The following LZTFL1 variants were observed in gnomAD, a reference collection of about 807,000 sequenced individuals.
The protein encoded by LZTFL1 is leucine zipper transcription factor-like protein 1.
In LZTFL1, 25 loss-of-function variants were observed where a neutral mutation model predicts 45.9. That is an observed-to-expected ratio of 0.54 (90% CI 0.40 to 0.76). The LOEUF (loss-of-function observed/expected upper bound fraction) is 0.76. Ranked by LOEUF, LZTFL1 falls within the 30% of genes least tolerant of loss-of-function variation. The pLI is 0.00. For synonymous variants in LZTFL1, 93 were observed against 117.4 expected, an observed-to-expected ratio of 0.79 and a Z score of 1.35; for missense variants, 277 against 331.1, an observed-to-expected ratio of 0.84 and a Z score of 1.27.
chr3:45,883,758 G>T, intron 2 of LZTFL1: 1 of 555,968 alleles, frequency 1.8e-6, no homozygotes, highest in Non-Finnish European at 3.3e-6. Flanking sequence ...TTTCTGCAAT[G>T]CATCCCCATG....
chr3:45,847,740 A>G (rs914631167), intron 4 of LZTFL1, among the ~76,000 whole-genome samples: 8 of 152,200 alleles, frequency 5.3e-5, no homozygotes, highest in African/African-American at 1.7e-4. Context: ...CTTTATAGAC[A>G]AGAGCAGACC....
intron 2 of LZTFL1, among the ~76,000 whole-genome samples, chr3:45,873,332 T>C (rs957605771): frequency 6.6e-6 from 1 of 152,268 alleles, no homozygotes; most frequent in Non-Finnish European, 1.5e-5. Context: ...ATAATTCTTT[T>C]AGCTGTGTGT....
chr3:45,862,348 G>A (rs760894523), intron 2 of LZTFL1, among the ~76,000 whole-genome samples: 30 of 152,212 alleles, frequency 2.0e-4, no homozygotes, highest in Non-Finnish European at 4.1e-4. Context: ...GGCCATGCAC[G>A]AGGTGAGGAT....
chr3:45,884,996 C>A, intron 2 of LZTFL1, among the ~76,000 whole-genome samples: 1 of 107,236 alleles, frequency 9.3e-6, no homozygotes, highest in East Asian at 2.3e-4. Flanking sequence ...CTCGCACCGC[C>A]GTTCCTTAAG....
chr3:45,853,973 A>T (rs1329084444), intron 4 of LZTFL1, among the ~76,000 whole-genome samples: 1 of 152,086 alleles, frequency 6.6e-6, no homozygotes, highest in Non-Finnish European at 1.5e-5. Flanking sequence ...ACTGAAACAG[A>T]CTTCTCAAAA....
intron 2 of LZTFL1, among the ~76,000 whole-genome samples, chr3:45,883,110 G>C (rs939534522): frequency 2.6e-5 from 4 of 152,140 alleles, no homozygotes; most frequent in African/African-American, 9.7e-5. Context: ...TGAGATATCA[G>C]CATTTCCTAA....
intron 4 of LZTFL1, among the ~76,000 whole-genome samples, chr3:45,850,018 A>T (rs931233402): frequency 1.3e-5 from 2 of 152,196 alleles, no homozygotes; most frequent in African/African-American, 2.4e-5. Context: ...TGTCCACATA[A>T]GAAGGTTCTA....
Position 45,890,291 on chromosome 3 carries a change from A to AC in LZTFL1, c.-215+22828_-215+22829insG, listed in dbSNP as rs1575293702. The stretch of plus-strand genomic sequence containing the variant: ...TATAACATATATATATATTTATATA[A>AC]ATATATATATAACATATATATATAT... On this transcript the variant is annotated intron_variant, in intron 2 of 4. Transcript: ENST00000472635. Among the ~76,000 whole-genome samples, 6 of 116,740 alleles carry AC rather than the reference A, an allele frequency of 5.1e-5. 2 individuals carry two copies. Among genetic ancestry groups the AC allele is most frequent in the African/African-American group, 1.8e-4 (5 of 27,638 alleles). The allele number at this position is 116,740 out of a possible 152,430, so 76.6% of individuals were successfully genotyped here. A position where few individuals can be genotyped will look rare whatever the true frequency, so the allele number is the denominator to read the frequency against.
At position 45,826,392 on chromosome 3, in the gene LZTFL1, T is replaced by C. The variant is rs1374450567; in HGVS notation, c.882-60A>G. 5.1e-6 allele frequency: 7 copies of C among 1,369,426 alleles called. No individual in the cohort carries two copies. The African/African-American group carries it at 5.7e-5, about 11-fold the overall frequency. 84.8% of individuals were successfully genotyped at this position (1,369,426 alleles called of 1,614,324 possible). On this transcript the variant is annotated intron_variant, in intron 9 of 9. Transcript: ENST00000296135. ...ACCTTTTGTTGTTGTTATTACCAAA[T>C]AAGTTTACTTGAAGCAGTGGCACTA... is the stretch of plus-strand genomic sequence containing the variant.
rs987389146 is a variant in LZTFL1, at chr3:45,862,793, C to T, written c.-214-3777G>A. The stretch of plus-strand genomic sequence containing the variant: ...TTGCTGACAACCAGTACTGAGAACT[C>T]TCATGGCTTGCAGCCTTCCCTCAGG... On this transcript the variant is annotated intron_variant, in intron 2 of 4. Transcript: ENST00000472635. 2.6e-5 allele frequency among the ~76,000 whole-genome samples: 4 copies of T among 152,236 alleles called. No homozygotes were observed. The South Asian group carries it at 8.3e-4, about 32-fold the overall frequency.
At chr3:45,894,784 G>A (rs1450229529) in intron 2 of LZTFL1, 1 of 720,214 alleles carries the variant, frequency 1.4e-6, no homozygotes, top group East Asian at 2.6e-5. Context: ...TCTAACTCCT[G>A]CTTGGAATAT....
At chr3:45,899,110 G>C (rs1702464008) in intron 2 of LZTFL1, among the ~76,000 whole-genome samples, 2 of 152,244 alleles carry the variant, frequency 1.3e-5, no homozygotes, top group Non-Finnish European at 2.9e-5. Context: ...AGGTTGCAGT[G>C]AGCCGAGATG....
At chr3:45,868,089 G>A (rs1443575828) in intron 2 of LZTFL1, among the ~76,000 whole-genome samples, 1 of 148,470 alleles carries the variant, frequency 6.7e-6, no homozygotes, top group Non-Finnish European at 1.5e-5. Flanking sequence ...GCTATCCAGA[G>A]TGCAGCACAC....
At chr3:45,908,842 A>G (rs1019239895) in intron 2 of LZTFL1, among the ~76,000 whole-genome samples, 2 of 152,174 alleles carry the variant, frequency 1.3e-5, no homozygotes, top group African/African-American at 4.8e-5. Flanking sequence ...GGGGTCCCCA[A>G]CCCCTGGGCC....
chr3:45,825,135 G>A lies in LZTFL1; in HGVS notation c.*1179C>T. On this transcript the variant is annotated 3_prime_UTR_variant, in exon 10 of 10. Coordinates refer to ENST00000296135, the MANE Select transcript of LZTFL1 (RefSeq NM_020347.4). ...GCTCCAATCAGTAAACTCGTTTCTT[G>A]GAATAAAATCTTCATTTGTGGAAAT... The A allele has an allele frequency of 5.5e-6, 2 of 365,800 alleles. No individual in the cohort carries two copies. The highest frequency in any genetic ancestry group is 9.7e-6 in the Non-Finnish European group (2 of 205,936). The allele number at this position is 365,800 out of a possible 1,614,324, so 22.7% of individuals were successfully genotyped here. A position where few individuals can be genotyped will look rare whatever the true frequency, so the allele number is the denominator to read the frequency against.
intron 2 of LZTFL1, among the ~76,000 whole-genome samples, chr3:45,867,168 A>C (rs971341685): frequency 1.3e-5 from 2 of 151,676 alleles, no homozygotes; most frequent in Non-Finnish European, 2.9e-5. Flanking sequence ...AAAAAAAAAA[A>C]AAACCCAAAA....
At chr3:45,907,010 C>T (rs899069648) in intron 2 of LZTFL1, among the ~76,000 whole-genome samples, 6 of 152,204 alleles carry the variant, frequency 3.9e-5, no homozygotes, top group Admixed American at 1.3e-4. Flanking sequence ...GCTGTCCCCA[C>T]GTGGCCCCAG....
intron 2 of LZTFL1, among the ~76,000 whole-genome samples, chr3:45,879,548 C>T (rs1701814475): frequency 6.6e-6 from 1 of 152,110 alleles, no homozygotes; most frequent in African/African-American, 2.4e-5. Context: ...ATCCTTAGGG[C>T]AATGAAACTA....
chr3:45,863,227 T>C (rs1400815910), intron 2 of LZTFL1, among the ~76,000 whole-genome samples: 7 of 152,160 alleles, frequency 4.6e-5, no homozygotes, highest in Admixed American at 4.6e-4. Context: ...GGTAAACAAA[T>C]AGCTCCAGTT....
Sources: allele counts gnomAD v4.1 joint callset (sites outside exome capture counted in the v4.1 genomes callset), GRCh38; gene constraint gnomAD v4.1.1; transcripts MANE v1.5; gene names NCBI Gene and HGNC (gene_info 2026-07-23, HGNC 2026-07-21).